The following CFAP54 variants were observed in gnomAD, a reference collection of about 807,000 sequenced individuals.
CFAP54 encodes the protein cilia- and flagella-associated protein 54.
A neutral mutation model predicts 370.4 loss-of-function variants in CFAP54; 290 were observed. The ratio of observed to expected loss-of-function variants is 0.78; its 90% CI spans 0.71 to 0.86. The LOEUF is 0.86. Among genes scored for constraint, CFAP54 ranks in the 40% least tolerant of loss-of-function variants. The pLI is 0.00. For missense variants in CFAP54, 3,399 were observed against 3,528.7 expected (o/e 0.96, Z 0.93); for synonymous variants, 1,206 against 1,236.5 (o/e 0.98, Z 0.52).
chr12:96,826,016 AATT>A (rs1657163852), intron 65 of CFAP54, among the ~76,000 whole-genome samples: 1 of 144,418 alleles, frequency 6.9e-6, no homozygotes, highest in African/African-American at 2.5e-5. Context: ...TTAATATAGA[AATT>A]AATAATAGAT....
chr12:96,578,291 A>T (rs1956000473), intron 20 of CFAP54, among the ~76,000 whole-genome samples: 1 of 152,182 alleles, frequency 6.6e-6, no homozygotes, highest in African/African-American at 2.4e-5. Flanking sequence ...ATAGTGCTTT[A>T]TAATTGTGAG....
intron 66 of CFAP54, among the ~76,000 whole-genome samples, chr12:96,851,720 A>T (rs1959551578): frequency 6.6e-6 from 1 of 152,054 alleles, no homozygotes; most frequent in African/African-American, 2.4e-5. Flanking sequence ...ATAGTACAGG[A>T]TATAAGTAAA....
intron 17 of CFAP54, among the ~76,000 whole-genome samples, chr12:96,559,813 G>A (rs557419088): frequency 6.6e-6 from 1 of 151,970 alleles, no homozygotes; most frequent in East Asian, 1.9e-4. Flanking sequence ...TCTGAAGAAA[G>A]GTAACACTGA....
At chr12:96,562,903 G>A (rs1290557181) in intron 17 of CFAP54, among the ~76,000 whole-genome samples, 2 of 152,114 alleles carry the variant, frequency 1.3e-5, no homozygotes, top group African/African-American at 4.8e-5. Flanking sequence ...GTGTCATCAT[G>A]TATAAATTGA....
chr12:96,512,948 G>T, intron 4 of CFAP54, 38 bp from the exon 5 acceptor site: 1 of 1,338,396 alleles, frequency 7.5e-7, no homozygotes, highest in South Asian at 1.5e-5. Flanking sequence ...TCTATCATTT[G>T]ACTGTAAAAC....
At chr12:96,853,514 C>A (rs1435100317) in intron 66 of CFAP54, among the ~76,000 whole-genome samples, 1 of 152,100 alleles carries the variant, frequency 6.6e-6, no homozygotes, top group East Asian at 1.9e-4. Context: ...TTCTCCTTTT[C>A]TGTCTACATG....
chr12:96,816,152 G>A (rs924606670), intron 64 of CFAP54, among the ~76,000 whole-genome samples: 2 of 152,140 alleles, frequency 1.3e-5, no homozygotes, highest in Non-Finnish European at 2.9e-5. Flanking sequence ...ATTACTTTGG[G>A]CAGTATGGCC....
chr12:96,770,557 A>G (rs1371843031), intron 60 of CFAP54, among the ~76,000 whole-genome samples: 1 of 152,190 alleles, frequency 6.6e-6, no homozygotes, highest in African/African-American at 2.4e-5. Context: ...AGGAAGATTT[A>G]CCCTTCAGTG....
intron 66 of CFAP54, among the ~76,000 whole-genome samples, chr12:96,856,337 C>G (rs1210216284): frequency 6.6e-6 from 1 of 152,210 alleles, no homozygotes; most frequent in Non-Finnish European, 1.5e-5. Context: ...ATGCAGGAGG[C>G]TTGAATTTCT....
chr12:96,655,038 AT>A (rs1045285528), intron 36 of CFAP54, among the ~76,000 whole-genome samples: 14 of 151,508 alleles, frequency 9.2e-5, no homozygotes, highest in African/African-American at 2.2e-4. Flanking sequence ...GGCCAAAAAA[AT>A]TTTTTTTTAA....
intron 66 of CFAP54, among the ~76,000 whole-genome samples, chr12:96,850,435 C>T (rs1002605177): frequency 2.6e-5 from 4 of 152,014 alleles, no homozygotes; most frequent in African/African-American, 9.7e-5. Flanking sequence ...CATGGAGAGC[C>T]TTGGACTTGC....
At chr12:96,689,814 A>G (rs1344246665) in intron 43 of CFAP54, among the ~76,000 whole-genome samples, 1 of 152,120 alleles carries the variant, frequency 6.6e-6, no homozygotes, top group Non-Finnish European at 1.5e-5. Context: ...GGGCCTTTGT[A>G]ATCTACTGAA....
intron 67 of CFAP54, among the ~76,000 whole-genome samples, chr12:96,863,020 T>A (rs1015349151): frequency 6.6e-6 from 1 of 152,168 alleles, no homozygotes; most frequent in African/African-American, 2.4e-5. Flanking sequence ...TAAATGCCCA[T>A]CTTCTGGTTT....
chr12:96,791,341 T>C (rs544147570), intron 62 of CFAP54, among the ~76,000 whole-genome samples: 2 of 152,176 alleles, frequency 1.3e-5, no homozygotes, highest in African/African-American at 4.8e-5. Flanking sequence ...TATTGTTTTG[T>C]TGATCATTAG....
chr12:96,740,630 T>C (rs949105514), intron 51 of CFAP54, among the ~76,000 whole-genome samples: 2 of 152,254 alleles, frequency 1.3e-5, no homozygotes, highest in Non-Finnish European at 2.9e-5. Context: ...ATTTCAAGTA[T>C]TACTAATAAA....
chr12:96,714,267 T>C (rs536656123), intron 48 of CFAP54, among the ~76,000 whole-genome samples: 2 of 152,282 alleles, frequency 1.3e-5, no homozygotes, highest in East Asian at 3.9e-4. Context: ...GAAAGGAAGA[T>C]CAGAAGTTCA....
At chr12:96,579,996 C>T (rs962840533) in intron 20 of CFAP54, among the ~76,000 whole-genome samples, 2 of 151,708 alleles carry the variant, frequency 1.3e-5, no homozygotes, top group Non-Finnish European at 1.5e-5. Flanking sequence ...ACCATTTTAT[C>T]ATCCAAATCC....
chr12:96,494,797 GCT>G (rs1358898835), intron 1 of CFAP54, among the ~76,000 whole-genome samples: 5 of 151,866 alleles, frequency 3.3e-5, no homozygotes, highest in African/African-American at 4.8e-5. Context: ...CGCAATCTCG[GCT>G]CTCTGCAGCT....
At chr12:96,654,832 AT>A (rs10631171) in intron 36 of CFAP54, among the ~76,000 whole-genome samples, 100 of 132,104 alleles carry the variant, frequency 7.6e-4, no homozygotes, top group African/African-American at 1.4e-3. Context: ...ATTTCACTTA[AT>A]TTTTTTTTTT....
Sources: allele counts gnomAD v4.1 joint callset (sites outside exome capture counted in the v4.1 genomes callset), GRCh38; gene constraint gnomAD v4.1.1; transcripts MANE v1.5; gene names NCBI Gene and HGNC (gene_info 2026-07-23, HGNC 2026-07-21).